The following DHRS12 variants were observed in gnomAD, a reference collection of about 807,000 sequenced individuals.
The protein encoded by DHRS12 is dehydrogenase/reductase 12.
In DHRS12, 29 loss-of-function variants were observed where a neutral mutation model predicts 32.1. The observed-to-expected ratio is 0.90, with a 90% CI of 0.67 to 1.23. DHRS12 has a LOEUF of 1.23. Ranked by LOEUF, DHRS12 falls within the 50% of genes most tolerant of loss-of-function variation. DHRS12 has a pLI of 0.00. For synonymous variants in DHRS12, 150 were observed against 135.9 expected, an observed-to-expected ratio of 1.10 and a Z score of -0.72; for missense variants, 330 against 337.2, an observed-to-expected ratio of 0.98 and a Z score of 0.17.
chr13:51,764,332 C>T, downstream of DHRS12: 1 of 152,502 alleles, frequency 6.6e-6, no homozygotes, highest in Non-Finnish European at 1.5e-5. Flanking sequence ...ACTAACCCAG[C>T]AGGTGTGGCA....
At chr13:51,796,698 T>TGCA (rs1955526473) in intron 2 of DHRS12, among the ~76,000 whole-genome samples, 1 of 152,196 alleles carries the variant, frequency 6.6e-6, no homozygotes, top group Non-Finnish European at 1.5e-5. Flanking sequence ...TGTTGCATCC[T>TGCA]GCAGCAGCAC....
chr13:51,778,012 T>G (rs1014858765), intron 4 of DHRS12, among the ~76,000 whole-genome samples: 1 of 152,226 alleles, frequency 6.6e-6, no homozygotes, highest in African/African-American at 2.4e-5. Flanking sequence ...GGAGTCTCTG[T>G]GTGACCAGCT....
chr13:51,787,905 A>T (rs1190692752), intron 4 of DHRS12, among the ~76,000 whole-genome samples: 10 of 133,356 alleles, frequency 7.5e-5, no homozygotes, highest in East Asian at 2.0e-4. Flanking sequence ...TATATATAAA[A>T]ATATATAATT....
chr13:51,755,330 T>C, the DHRS12 span: 16 of 1,607,952 alleles, frequency 1.0e-5, no homozygotes, highest in Admixed American at 1.5e-4. Flanking sequence ...CTGGCCACAG[T>C]GACCTGTTCT....
chr13:51,780,109 G>A (rs1193643383), intron 4 of DHRS12, among the ~76,000 whole-genome samples: 1 of 152,052 alleles, frequency 6.6e-6, no homozygotes. Context: ...CCCAGGAGGC[G>A]GAGGTTGCAA....
intron 7 of DHRS12, among the ~76,000 whole-genome samples, chr13:51,770,442 G>A (rs1165571685): frequency 6.6e-6 from 1 of 152,204 alleles, no homozygotes; most frequent in Non-Finnish European, 1.5e-5. Flanking sequence ...TGCTGGGATT[G>A]TCAGAATGGT....
rs529081328 is a variant in DHRS12 at position 51,768,753 on chromosome 13, A to G, written c.697+403T>C. The G allele has an allele frequency of 3.7e-4, 427 of 1,139,280 alleles. 1 individual carries two copies. The African/African-American group carries it at 5.8e-3, about 16-fold the overall frequency. The allele number at this position is 1,139,280 out of a possible 1,614,324, so 70.6% of individuals were successfully genotyped here. ...CACTGGGGAGAGACGTGAACAGATCACTGCTTCCAAAAATAGAGAAGCAGA... is the reference window on the plus strand; with the variant it reads ...CACTGGGGAGAGACGTGAACAGATCGCTGCTTCCAAAAATAGAGAAGCAGA... On this transcript the variant is annotated intron_variant, in intron 8 of 8. Transcript: ENST00000444610.
At chr13:51,760,529 C>T in the DHRS12 span, 1 of 152,132 alleles carries the variant, frequency 6.6e-6, no homozygotes. Context: ...CTCAGAGCTT[C>T]AACGATCAGT....
downstream of DHRS12, chr13:51,763,211 G>C (rs1454911168): frequency 6.6e-6 from 1 of 152,228 alleles, no homozygotes; most frequent in African/African-American, 2.4e-5. Context: ...GCATGAGTGG[G>C]AGGAGAGACT....
chr13:51,756,823 G>A, the DHRS12 span, among the ~76,000 whole-genome samples: 2 of 152,238 alleles, frequency 1.3e-5, no homozygotes, highest in Admixed American at 6.5e-5. Context: ...CTTTACAGGA[G>A]TTGAGTGAGT....
Position 51,772,150 on chromosome 13 carries a change from TGA to T in DHRS12, c.469-241_469-240del, listed in dbSNP as rs544400006. On this transcript the variant is annotated intron_variant, in intron 6 of 8. Coordinates refer to ENST00000444610, the MANE Select transcript of DHRS12 (RefSeq NM_001377533.1). Reference sequence around the variant, plus strand: ...GCAATGAGCTAACGCAGCAAAACACTGAGAGAGAAGGAATAGCAGGCCCACCC... The same window carrying T: ...GCAATGAGCTAACGCAGCAAAACACTGAGAGAAGGAATAGCAGGCCCACCC... Among the ~76,000 whole-genome samples the T allele has an allele frequency of 7.9e-5, 12 of 152,078 alleles. No homozygotes were observed. The East Asian group carries it at 2.1e-3, about 27-fold the overall frequency.
intron 1 of DHRS12, 170 bp downstream of exon 1, chr13:51,803,884 G>A (rs951044932): frequency 1.5e-5 from 8 of 521,846 alleles, no homozygotes; most frequent in Non-Finnish European, 2.3e-5. Flanking sequence ...ACTGCCCCAC[G>A]CCCAGCCGTG....
chr13:51,780,291 C>T (rs572409859), intron 4 of DHRS12, among the ~76,000 whole-genome samples: 9 of 152,212 alleles, frequency 5.9e-5, no homozygotes, highest in Admixed American at 5.2e-4. Flanking sequence ...TCGTGTGAAC[C>T]AGGTCAACAA....
At chr13:51,769,908 C>G (rs2138884229) in intron 7 of DHRS12, among the ~76,000 whole-genome samples, 1 of 152,372 alleles carries the variant, frequency 6.6e-6, no homozygotes, top group African/African-American at 2.4e-5. Flanking sequence ...TCTACCTGCC[C>G]ACGCCTTCGA....
At chr13:51,784,226 C>T (rs1954848189) in intron 4 of DHRS12, among the ~76,000 whole-genome samples, 1 of 152,116 alleles carries the variant, frequency 6.6e-6, no homozygotes, top group South Asian at 2.1e-4. Context: ...AGAAACCCAC[C>T]CATCAGCAGG....
downstream of DHRS12, chr13:51,765,782 G>A (rs1176001099): frequency 6.6e-6 from 1 of 151,876 alleles, no homozygotes; most frequent in East Asian, 1.9e-4. Flanking sequence ...AGTTTGTAGG[G>A]CAAAAAAAAT....
intron 7 of DHRS12, chr13:51,770,848 CAG>C (rs1040875427): frequency 5.6e-6 from 6 of 1,072,990 alleles, no homozygotes; most frequent in African/African-American, 5.0e-5. Context: ...TGATTGGCAG[CAG>C]AGTCTTCAGC....
chr13:51,779,071 C>G (rs935370444), intron 4 of DHRS12, among the ~76,000 whole-genome samples: 1 of 152,112 alleles, frequency 6.6e-6, no homozygotes, highest in Non-Finnish European at 1.5e-5. Flanking sequence ...TCTTGAGTCA[C>G]GTAGCCATGC....
downstream of DHRS12, chr13:51,765,056 G>A (rs1953706448): frequency 6.6e-6 from 1 of 152,296 alleles, no homozygotes. Flanking sequence ...CCTCCTTACA[G>A]GGGCACTTGC....
Sources: gnomAD v4.1 joint callset for allele counts (sites outside exome capture counted in the v4.1 genomes callset) on GRCh38, gnomAD v4.1.1 for gene constraint, MANE v1.5 for transcripts, NCBI Gene and HGNC (gene_info 2026-07-23, HGNC 2026-07-21) for gene names.